DST: variants seen among roughly 807,000 people sequenced by gnomAD.
DST encodes the protein bullous pemphigoid antigen.
A neutral mutation model predicts 875.2 loss-of-function variants in DST; 253 were observed. The ratio of observed to expected loss-of-function variants is 0.29; its 90% CI spans 0.26 to 0.32. DST has a LOEUF of 0.32. Among genes scored for constraint, DST ranks in the 10% least tolerant of loss-of-function variants. The pLI is 1.00. For missense variants in DST, 8,287 were observed against 9,111.6 expected (o/e 0.91, Z 3.68); for synonymous variants, 3,124 against 3,197.1 (o/e 0.98, Z 0.77).
At chr6:56,580,555 A>AAAATAAATAAATAAAT (rs3031091) in intron 49 of DST, among the ~76,000 whole-genome samples, 1 of 146,498 alleles carries the variant, frequency 6.8e-6, no homozygotes, top group African/African-American at 2.5e-5. Context: ...CTACTTTCTT[A>AAAATAAATAAATAAAT]AAATAAATAA....
intron 4 of DST, among the ~76,000 whole-genome samples, chr6:56,839,216 C>A (rs976168699): frequency 1.3e-5 from 2 of 152,192 alleles, no homozygotes; most frequent in Admixed American, 1.3e-4. Context: ...AATAGCCACA[C>A]AGAAATAGAG....
chr6:56,832,977 G>A (rs1242086324), intron 4 of DST, among the ~76,000 whole-genome samples: 4 of 152,200 alleles, frequency 2.6e-5, no homozygotes, highest in Admixed American at 6.5e-5. Context: ...GACCTCAGGA[G>A]ATCCACCTGC....
At chr6:56,787,690 A>C (rs377435628) in intron 4 of DST, among the ~76,000 whole-genome samples, 10 of 152,220 alleles carry the variant, frequency 6.6e-5, no homozygotes, top group Admixed American at 3.3e-4. Context: ...ATAACCAAAT[A>C]AATGCCAAAC....
intron 2 of DST, among the ~76,000 whole-genome samples, chr6:56,935,166 G>A (rs1429251442): frequency 5.3e-5 from 8 of 152,120 alleles, no homozygotes; most frequent in Admixed American, 5.2e-4. Flanking sequence ...GCAGTAGCCA[G>A]CCAAAATTTC....
chr6:56,889,231 C>A (rs563885778), intron 3 of DST, among the ~76,000 whole-genome samples: 1 of 152,334 alleles, frequency 6.6e-6, no homozygotes, highest in African/African-American at 2.4e-5. Flanking sequence ...ATTCTCACAT[C>A]TTCCATGAAA....
chr6:56,660,544 A>C (rs1033521844), intron 10 of DST, among the ~76,000 whole-genome samples: 1 of 151,870 alleles, frequency 6.6e-6, no homozygotes, highest in African/African-American at 2.4e-5. Flanking sequence ...GTTTCGATTA[A>C]ATCATGCTCA....
At chr6:56,786,267 GTTCACCCA>G (rs1316387479) in intron 4 of DST, among the ~76,000 whole-genome samples, 2 of 152,132 alleles carry the variant, frequency 1.3e-5, no homozygotes, top group Non-Finnish European at 2.9e-5. Context: ...TTGCTTTCAG[GTTCACCCA>G]TTTCTTAGAT....
chr6:56,464,933 T>C (rs927643347), intron 99 of DST, among the ~76,000 whole-genome samples, 177 bp from the exon 100 acceptor site: 1 of 151,988 alleles, frequency 6.6e-6, no homozygotes, highest in African/African-American at 2.4e-5. Flanking sequence ...ATAAGAAAAA[T>C]GTATTTGGAA....
In DST at chr6:56,553,581, C is replaced by A; in HGVS notation, c.15211G>T (p.Ala5071Ser). 2.5e-6 allele frequency: 4 copies of A among 1,613,794 alleles called. No homozygotes were observed. Among genetic ancestry groups the A allele is most frequent in the Non-Finnish European group, 3.4e-6 (4 of 1,179,852 alleles). Reference protein sequence around the residue: ...QFQQMSRDFQAWLDTKKEEQN... With the variant: ...QFQQMSRDFQSWLDTKKEEQN... ...TCTTCTTTCTTTGTATCCAGCCAAGCCTGAAAATCTCTAGACATTTGCTGA... is the reference window on the plus strand; with the variant it reads ...TCTTCTTTCTTTGTATCCAGCCAAGACTGAAAATCTCTAGACATTTGCTGA... Residue 5071 changes from alanine to serine, a missense_variant, in exon 61 of 104, where the codon GCT (alanine) becomes TCT (serine). Coordinates refer to ENST00000680361, the MANE Select transcript of DST (RefSeq NM_001374736.1).
intron 10 of DST, among the ~76,000 whole-genome samples, chr6:56,664,478 G>A (rs2099061998): frequency 6.6e-6 from 1 of 152,122 alleles, no homozygotes; most frequent in Non-Finnish European, 1.5e-5. Context: ...ACTACTGTCT[G>A]GGATTTCATT....
intron 50 of DST, among the ~76,000 whole-genome samples, chr6:56,575,076 T>A (rs2097844613): frequency 6.6e-6 from 1 of 152,084 alleles, no homozygotes; most frequent in African/African-American, 2.4e-5. Flanking sequence ...TTACTAAAAC[T>A]CAATGAAGCC....
At chr6:56,801,502 T>G (rs1233993107) in intron 4 of DST, among the ~76,000 whole-genome samples, 1 of 152,112 alleles carries the variant, frequency 6.6e-6, no homozygotes, top group Non-Finnish European at 1.5e-5. Context: ...TAGTCAAGGA[T>G]CTAAAATGTC....
At chr6:56,530,302 T>C (rs2096872976) in intron 64 of DST, among the ~76,000 whole-genome samples, 169 bp from the exon 65 acceptor site, 1 of 152,202 alleles carries the variant, frequency 6.6e-6, no homozygotes, top group African/African-American at 2.4e-5. Context: ...AATTCTTCTG[T>C]TAAAAAAAAT....
At chr6:56,848,733 T>G (rs1320544450) in intron 4 of DST, among the ~76,000 whole-genome samples, 3 of 152,202 alleles carry the variant, frequency 2.0e-5, no homozygotes, top group Admixed American at 6.5e-5. Flanking sequence ...TTACCAATAT[T>G]TATTTAAAAT....
chr6:56,592,491 G>T (rs2098295799), intron 48 of DST, 133 bp from the exon 49 acceptor site: 1 of 771,360 alleles, frequency 1.3e-6, no homozygotes, highest in Non-Finnish European at 2.0e-6. Context: ...TAAAAACTCT[G>T]TTGGGCTAAG....
chr6:56,954,174 C>T (rs1823978682), intron 1 of DST, among the ~76,000 whole-genome samples: 2 of 152,206 alleles, frequency 1.3e-5, no homozygotes, highest in African/African-American at 4.8e-5. Context: ...AATTTGAGTT[C>T]TTTCCTCCCC....
chr6:56,689,908 A>T (rs2099216217), intron 9 of DST, among the ~76,000 whole-genome samples: 1 of 152,206 alleles, frequency 6.6e-6, no homozygotes, highest in Admixed American at 6.6e-5. Context: ...AAAGAGCTCA[A>T]GGACAAAGGT....
chr6:56,603,748 C>T (rs760277184), intron 40 of DST, 35 bp from the exon 41 acceptor site: 1 of 1,583,478 alleles, frequency 6.3e-7, no homozygotes, highest in South Asian at 1.2e-5. Context: ...ATTCAATAAC[C>T]TTTATGCAGA....
intron 61 of DST, 81 bp from the exon 62 acceptor site, chr6:56,537,021 C>A (rs2152524751): frequency 1.5e-6 from 2 of 1,298,618 alleles, no homozygotes; most frequent in Non-Finnish European, 2.1e-6. Context: ...CTTTAGGCAT[C>A]AGGTTGTGGA....
Sources: gnomAD v4.1 joint callset for allele counts (sites outside exome capture counted in the v4.1 genomes callset) on GRCh38, gnomAD v4.1.1 for gene constraint, MANE v1.5 for transcripts, NCBI Gene and HGNC (gene_info 2026-07-23, HGNC 2026-07-21) for gene names.